FAT3: variants seen among roughly 807,000 people sequenced by gnomAD.
FAT3 encodes protocadherin Fat 3.
FAT3 carries 95 observed loss-of-function variants against 310.2 expected under a neutral mutation model. The observed-to-expected ratio is 0.31, with a 90% CI of 0.26 to 0.36. FAT3 has a LOEUF of 0.36. FAT3 is among the 10% of genes least tolerant of loss of function. The probability of loss-of-function intolerance (pLI) is 1.00; values close to 1 mark genes in which losing one functional copy is unlikely to be tolerated. For missense variants in FAT3, 5,408 were observed against 5,715.6 expected (o/e 0.95, Z 1.74); for synonymous variants, 2,314 against 2,192.9 (o/e 1.06, Z -1.54).
chr11:92,769,317 G>A (rs1287669425), intron 6 of FAT3, among the ~76,000 whole-genome samples: 2 of 152,214 alleles, frequency 1.3e-5, no homozygotes, highest in African/African-American at 4.8e-5. Flanking sequence ...CCAACGCACA[G>A]CATGTTCCTT....
intron 3 of FAT3, among the ~76,000 whole-genome samples, chr11:92,676,615 G>A (rs1420092961): frequency 6.6e-6 from 1 of 152,142 alleles, no homozygotes; most frequent in Non-Finnish European, 1.5e-5. Context: ...ATCAAAGAAT[G>A]AGATGAAATT....
intron 2 of FAT3, among the ~76,000 whole-genome samples, chr11:92,384,539 G>A (rs1362949581): frequency 6.6e-6 from 1 of 152,134 alleles, no homozygotes; most frequent in Non-Finnish European, 1.5e-5. Context: ...ATGATGTGTT[G>A]ATTCATTGTG....
intron 1 of FAT3, among the ~76,000 whole-genome samples, chr11:92,268,004 A>G (rs971020838): frequency 6.6e-6 from 1 of 151,594 alleles, no homozygotes. Context: ...CCAGCATTAT[A>G]GGCTTTTAGA....
intron 1 of FAT3, among the ~76,000 whole-genome samples, chr11:92,267,716 AAG>A (rs1419652634): frequency 4.6e-5 from 7 of 152,186 alleles, no homozygotes; most frequent in African/African-American, 7.2e-5. Flanking sequence ...GGAAAATAAA[AAG>A]AAATCTTTAA....
At chr11:92,803,029 C>CT (rs11399871) in intron 10 of FAT3, among the ~76,000 whole-genome samples, 121,527 of 151,794 alleles carry the variant, frequency 0.8, 49,038 homozygotes, top group Non-Finnish European at 0.85. Context: ...TCTGAGACCT[C>CT]TTTTTTGATT....
Position 92,844,800 on chromosome 11 carries a change from A to G in FAT3, c.11365+68A>G, listed in dbSNP as rs571979810. On this transcript the variant is annotated intron_variant, in intron 19 of 27. Transcript: ENST00000525166. ...TAGGAGTAGAATGAGTTACCATTCC[A>G]GCATGCCTGCATTCAATCATTCGTT... is the stretch of plus-strand genomic sequence containing the variant. The G allele has an allele frequency of 4.8e-4, 672 of 1,405,064 alleles. 1 individual carries two copies. The highest frequency in any genetic ancestry group is 1.0e-3 in the Admixed American group (37 of 36,798). The allele number at this position is 1,405,064 out of a possible 1,614,324, so 87.0% of individuals were successfully genotyped here.
chr11:92,396,775 T>C (rs970739746), intron 2 of FAT3, among the ~76,000 whole-genome samples: 2 of 152,170 alleles, frequency 1.3e-5, no homozygotes, highest in Admixed American at 1.3e-4. Flanking sequence ...GGTGCAGTCT[T>C]AGCTCACTGC....
At chr11:92,359,324 CTTTTA>C (rs1210949063) in intron 2 of FAT3, among the ~76,000 whole-genome samples, 2 of 152,020 alleles carry the variant, frequency 1.3e-5, no homozygotes, top group Non-Finnish European at 2.9e-5. Flanking sequence ...TTCAAATAAT[CTTTTA>C]TTATTTATTA....
intron 3 of FAT3, among the ~76,000 whole-genome samples, chr11:92,530,626 G>A (rs924707367): frequency 7.9e-5 from 12 of 152,062 alleles, no homozygotes; most frequent in African/African-American, 2.9e-4. Context: ...GGATACACTT[G>A]TATTATTTCC....
intron 4 of FAT3, among the ~76,000 whole-genome samples, chr11:92,728,989 A>G (rs1945088768): frequency 6.6e-6 from 1 of 152,204 alleles, no homozygotes; most frequent in African/African-American, 2.4e-5. Flanking sequence ...TCTAGAGATT[A>G]GGATTTGATA....
chr11:92,354,503 TC>T lies in FAT3; in HGVS notation c.2392del (p.Leu798SerfsTer9). The stretch of plus-strand genomic sequence containing the variant: ...TGGATCGAGAACACACAGACCTCTA[TC>T]TCCTTAATATCACCATCTATGACTT... The part of the protein sequence containing the change: ...PMDREHTDLY[L>X]LNITIYDLGN... On this transcript the variant is annotated frameshift_variant, in exon 2 of 28. Coordinates refer to ENST00000525166, the MANE Select transcript of FAT3 (RefSeq NM_001367949.2). LOFTEE classifies it high-confidence loss of function. 1 of 1,613,848 alleles carries T rather than the reference TC, an allele frequency of 6.2e-7. No homozygotes were observed. Among genetic ancestry groups the T allele is most frequent in the Non-Finnish European group, 8.5e-7 (1 of 1,179,868 alleles).
chr11:92,794,356 T>TC (rs1947114460), intron 9 of FAT3, among the ~76,000 whole-genome samples: 1 of 152,008 alleles, frequency 6.6e-6, no homozygotes, highest in South Asian at 2.1e-4. Context: ...TTTTTTCTTT[T>TC]CCCCGTATTC....
rs566226758 is a variant in FAT3 at position 92,577,648 on chromosome 11, AC to A, written c.3607+52701del. ...AGCAGTCACCTTACTGTGCAGTAAGACTTTTAATTTCCTCAAGAAAGGAAAG... is the reference window on the plus strand; with the variant it reads ...AGCAGTCACCTTACTGTGCAGTAAGATTTTAATTTCCTCAAGAAAGGAAAG... On this transcript the variant is annotated intron_variant, in intron 3 of 27. Transcript: ENST00000525166. 2.0e-4 allele frequency among the ~76,000 whole-genome samples: 30 copies of A among 152,246 alleles called. No individual in the cohort carries two copies. The East Asian group carries it at 4.6e-3, about 24-fold the overall frequency.
chr11:92,567,721 T>C (rs1955513885), intron 3 of FAT3, among the ~76,000 whole-genome samples: 1 of 152,006 alleles, frequency 6.6e-6, no homozygotes, highest in South Asian at 2.1e-4. Context: ...AAATGATGAG[T>C]TCATGTTCTT....
chr11:92,574,655 A>G (rs1006179592), intron 3 of FAT3, among the ~76,000 whole-genome samples: 1 of 152,140 alleles, frequency 6.6e-6, no homozygotes, highest in African/African-American at 2.4e-5. Context: ...CTCTTACCTT[A>G]ATGGGTTTGA....
intron 2 of FAT3, among the ~76,000 whole-genome samples, chr11:92,357,887 G>T (rs1022973172): frequency 6.6e-6 from 1 of 151,640 alleles, no homozygotes; most frequent in Non-Finnish European, 1.5e-5. Flanking sequence ...AACTTTTATT[G>T]GTCAGTCATG....
intron 1 of FAT3, among the ~76,000 whole-genome samples, chr11:92,315,506 TATATATAGAG>T (rs1293494874): frequency 3.4e-3 from 291 of 86,446 alleles, no homozygotes; most frequent in African/African-American, 0.011. Flanking sequence ...TATATATATA[TATATATAGAG>T]AGAGAGAGAG....
intron 19 of FAT3, among the ~76,000 whole-genome samples, chr11:92,849,659 A>G (rs1420466384): frequency 1.3e-5 from 2 of 152,238 alleles, no homozygotes; most frequent in Non-Finnish European, 2.9e-5. Context: ...GGGAGTTATC[A>G]GCTCTACTTG....
intron 3 of FAT3, among the ~76,000 whole-genome samples, chr11:92,542,029 C>T (rs1435766493): frequency 1.3e-5 from 2 of 151,890 alleles, no homozygotes; most frequent in Admixed American, 1.3e-4. Flanking sequence ...GAATGAAAAG[C>T]AACAGACATT....
Sources: allele counts gnomAD v4.1 joint callset (sites outside exome capture counted in the v4.1 genomes callset), GRCh38; gene constraint gnomAD v4.1.1; transcripts MANE v1.5; gene names NCBI Gene and HGNC (gene_info 2026-07-23, HGNC 2026-07-21).